The following CHD7 variants were observed in gnomAD, a reference collection of about 807,000 sequenced individuals.
CHD7 encodes chromodomain helicase DNA binding protein 7, also known as ATP-dependent chromatin remodeler CHD7.
CHD7 carries 24 observed loss-of-function variants against 307.3 expected under a neutral mutation model. The ratio of observed to expected loss-of-function variants is 0.08; its 90% confidence interval spans 0.06 to 0.11. CHD7 has a LOEUF of 0.11. Among genes scored for constraint, CHD7 ranks in the 10% least tolerant of loss-of-function variants. CHD7 has a pLI of 1.00. For synonymous variants in CHD7, 1,363 were observed against 1,349.9 expected, an observed-to-expected ratio of 1.01 and a Z score of -0.21; for missense variants, 3,106 against 3,727.1, an observed-to-expected ratio of 0.83 and a Z score of 4.34.
chr8:60,821,711 C>A, intron 9 of CHD7, 79 bp from the exon 10 acceptor site: 1 of 1,196,736 alleles, frequency 8.4e-7, no homozygotes, highest in Non-Finnish European at 1.2e-6. Context: ...TATGTATAAA[C>A]ATATATATAC....
In CHD7 at chr8:60,852,624, T is replaced by C. The variant is rs1044772342; in HGVS notation, c.6021T>C (p.Ser2007=). ...FRAFARLDKK[S]DESLEKYFSC... is the part of the protein sequence containing the mutation. ...CCTTTGCCAGGCTTGACAAAAAATC[T>C]GATGAGAGTTTGGAGAAATACTTCA... is the stretch of plus-strand genomic sequence containing the variant. The change falls in exon 30 of 38, where the codon TCT becomes TCC. Residue 2007 remains serine (S), a synonymous_variant. Coordinates refer to ENST00000423902, the MANE Select transcript of CHD7 (RefSeq NM_017780.4). 1 of 1,613,990 alleles carries C rather than the reference T, an allele frequency of 6.2e-7. No individual in the cohort carries two copies. Among genetic ancestry groups the C allele is most frequent in the Non-Finnish European group, 8.5e-7 (1 of 1,179,886 alleles).
intron 4 of CHD7, among the ~76,000 whole-genome samples, chr8:60,797,560 G>T (rs1050618218): frequency 7.9e-5 from 12 of 152,184 alleles, no homozygotes; most frequent in Non-Finnish European, 1.6e-4. Context: ...TACTTATATG[G>T]CACAACACTG....
Position 60,762,748 on chromosome 8 carries a change from C to G in CHD7, c.1666-18252C>G, listed in dbSNP as rs139184325. 4.4e-3 allele frequency among the ~76,000 whole-genome samples: 673 copies of G among 152,276 alleles called. 4 individuals are homozygous for G. Among genetic ancestry groups the G allele is most frequent in the African/African-American group, 0.015 (622 of 41,544 alleles). On this transcript the variant is annotated intron_variant, in intron 2 of 37. Coordinates refer to ENST00000423902, the MANE Select transcript of CHD7 (RefSeq NM_017780.4). ...AGTTGAGTGAGGTCAGGGTTCCTGT[C>G]CCTCATTTTCTCTGTCGTAGCTTCA...
At chr8:60,790,517 G>A (rs754996919) in intron 3 of CHD7, among the ~76,000 whole-genome samples, 2 of 152,136 alleles carry the variant, frequency 1.3e-5, no homozygotes, top group African/African-American at 2.4e-5. Flanking sequence ...CTTTATAGGC[G>A]TTTCATCAAG....
At chr8:60,748,854 G>T (rs2150591820) in intron 2 of CHD7, among the ~76,000 whole-genome samples, 1 of 152,016 alleles carries the variant, frequency 6.6e-6, no homozygotes, top group Non-Finnish European at 1.5e-5. Flanking sequence ...CAGTCATCAT[G>T]AAACGGAAGT....
At chr8:60,717,842 C>G (rs1807686856) in intron 1 of CHD7, among the ~76,000 whole-genome samples, 1 of 152,138 alleles carries the variant, frequency 6.6e-6, no homozygotes, top group Non-Finnish European at 1.5e-5. Flanking sequence ...TAAAAGTACA[C>G]CATGTAAAAT....
chr8:60,808,367 G>C, intron 7 of CHD7, 95 bp downstream of exon 7: 1 of 796,900 alleles, frequency 1.3e-6, no homozygotes, highest in Non-Finnish European at 2.0e-6. Flanking sequence ...AAGAAACTTT[G>C]GTATGATTTC....
chr8:60,830,230 A>G lies in CHD7; in HGVS notation c.3523-92A>G, dbSNP rs568189200. On this transcript the variant is annotated intron_variant, in intron 14 of 37. Coordinates refer to ENST00000423902, the MANE Select transcript of CHD7 (RefSeq NM_017780.4). ...TTTGAAAAATGAAAATGGATGTTTAATGAATGAGATAATCCTGATGTTTCA... is the reference window on the plus strand; with the variant it reads ...TTTGAAAAATGAAAATGGATGTTTAGTGAATGAGATAATCCTGATGTTTCA... 8 of 1,299,038 alleles carry G rather than the reference A, an allele frequency of 6.2e-6. No homozygotes were observed. The Admixed American group carries it at 1.2e-4, about 20-fold the overall frequency. 80.5% of individuals were successfully genotyped at this position (1,299,038 alleles called of 1,614,324 possible). A position where few individuals can be genotyped will look rare whatever the true frequency, so the allele number is the denominator to read the frequency against.
chr8:60,714,753 T>C (rs7826035), intron 1 of CHD7, among the ~76,000 whole-genome samples: 125,131 of 152,162 alleles, frequency 0.82, 51,784 homozygotes, highest in East Asian at 0.94. Context: ...GATGGAGACC[T>C]GGCTAGGTCC....
chr8:60,773,153 G>C lies in CHD7; in HGVS notation c.1666-7847G>C, dbSNP rs568420552. On this transcript the variant is annotated intron_variant, in intron 2 of 37. Transcript: ENST00000423902. ...ATAGGTGGGCAGGCCTGCTGCCTCA[G>C]GGGGGTACCCCTCTGCTTGTGGCCT... 2.1e-5 allele frequency among the ~76,000 whole-genome samples: 3 copies of C among 146,014 alleles called. No homozygotes were observed. In the South Asian group the frequency reaches 6.3e-4, roughly 31 times the overall value.
Position 60,830,437 on chromosome 8 carries a change from T to A in CHD7, c.3638T>A (p.Ile1213Asn). 1 of 1,613,938 alleles carries A rather than the reference T, an allele frequency of 6.2e-7. No individual in the cohort carries two copies. The highest frequency in any genetic ancestry group is 8.5e-7 in the Non-Finnish European group (1 of 1,179,856). Residue 1213 changes from isoleucine to asparagine, a missense_variant, in exon 15 of 38, where the codon ATT becomes AAT. Ile to Asn is a moderately radical substitution (Grantham distance 149, BLOSUM62 -3). Coordinates refer to ENST00000423902, the MANE Select transcript of CHD7 (RefSeq NM_017780.4). ...ETIIEVELTN[I>N]QKKYYRAILE... ...ATTATTGAAGTTGAGCTAACAAACA[T>A]TCAGAAGAAATATTACCGAGCCATC...
At chr8:60,820,150 G>T (rs1803962441) in intron 9 of CHD7, 60 bp downstream of exon 9, 1 of 1,109,490 alleles carries the variant, frequency 9.0e-7, no homozygotes, top group African/African-American at 1.5e-5. Context: ...CATGTTTATA[G>T]AGAAGATGGT....
chr8:60,824,191 A>G (rs1015992748), intron 13 of CHD7, 175 bp downstream of exon 13: 17 of 586,982 alleles, frequency 2.9e-5, no homozygotes, highest in African/African-American at 2.2e-4. Context: ...GGATTCTTAC[A>G]TTGTTGGCTA....
At chr8:60,774,490 C>T (rs1445900518) in intron 2 of CHD7, among the ~76,000 whole-genome samples, 1 of 152,228 alleles carries the variant, frequency 6.6e-6, no homozygotes, top group Non-Finnish European at 1.5e-5. Flanking sequence ...ACCCTCTTCC[C>T]ATTGCCCTAG....
At chr8:60,703,128 G>A (rs1657856061) in intron 1 of CHD7, among the ~76,000 whole-genome samples, 1 of 152,176 alleles carries the variant, frequency 6.6e-6, no homozygotes, top group African/African-American at 2.4e-5. Context: ...GAGAATGTAC[G>A]TCACTCTCTC....
At chr8:60,689,203 G>T (rs1043227507) in intron 1 of CHD7, among the ~76,000 whole-genome samples, 1 of 152,220 alleles carries the variant, frequency 6.6e-6, no homozygotes, top group Admixed American at 6.5e-5. Context: ...CTGGTAACGT[G>T]TGGATTTATG....
intron 25 of CHD7, among the ~76,000 whole-genome samples, chr8:60,849,500 C>T (rs765841147): frequency 2.0e-4 from 31 of 152,290 alleles, no homozygotes; most frequent in African/African-American, 2.9e-4. Flanking sequence ...TCAAAGTGGA[C>T]GGTGGGCTTA....
At chr8:60,747,452 A>G (rs1181322317) in intron 2 of CHD7, among the ~76,000 whole-genome samples, 2 of 152,258 alleles carry the variant, frequency 1.3e-5, no homozygotes, top group Non-Finnish European at 2.9e-5. Context: ...GTTAACATAC[A>G]TAATACTTTT....
At chr8:60,863,741 T>TC (rs1489026583) in intron 37 of CHD7, 1 of 147,758 alleles carries the variant, frequency 6.8e-6, no homozygotes, top group Non-Finnish European at 1.5e-5. Flanking sequence ...TTTTTTTCTT[T>TC]TTTTTTTTTT....
Sources: allele counts gnomAD v4.1 joint callset (sites outside exome capture counted in the v4.1 genomes callset), GRCh38; gene constraint gnomAD v4.1.1; transcripts MANE v1.5; gene names NCBI Gene and HGNC (gene_info 2026-07-23, HGNC 2026-07-21).